Variants in DPYD observed in about 807,000 individuals in gnomAD.
DPYD encodes the protein dihydropyrimidine dehydrogenase, also known as dihydropyrimidine dehydrogenase [NADP(+)].
In DPYD, 109 loss-of-function variants were observed where a neutral mutation model predicts 116.2. The ratio of observed to expected loss-of-function variants is 0.94; its 90% CI spans 0.80 to 1.10. The LOEUF (loss-of-function observed/expected upper bound fraction) is 1.10. Among genes scored for constraint, DPYD ranks in the 50% least tolerant of loss-of-function variants. The pLI is 0.00. For missense variants in DPYD, 1,302 were observed against 1,254.5 expected (o/e 1.04, Z -0.57); for synonymous variants, 440 against 432.0 (o/e 1.02, Z -0.23).
intron 2 of DPYD, among the ~76,000 whole-genome samples, chr1:97,850,211 A>G (rs1670503656): frequency 6.6e-6 from 1 of 152,212 alleles, no homozygotes; most frequent in Non-Finnish European, 1.5e-5. Flanking sequence ...TTGAGTTTGA[A>G]TAGCTAACAC....
chr1:97,686,738 G>A (rs907412863), intron 7 of DPYD, among the ~76,000 whole-genome samples: 14 of 150,598 alleles, frequency 9.3e-5, no homozygotes, highest in Middle Eastern at 6.8e-3. Flanking sequence ...ACATAGGCAC[G>A]GGCAAAGATT....
At chr1:97,654,177 G>A (rs1327897089) in intron 8 of DPYD, among the ~76,000 whole-genome samples, 1 of 152,100 alleles carries the variant, frequency 6.6e-6, no homozygotes, top group African/African-American at 2.4e-5. Context: ...AATATACACT[G>A]TCCTGCTTCC....
chr1:97,714,655 C>CAAAAAAAAAAAAAAAAAAAAAAAA (rs1193831747), intron 5 of DPYD, among the ~76,000 whole-genome samples: 5 of 49,926 alleles, frequency 1.0e-4, no homozygotes, highest in African/African-American at 2.2e-4. Context: ...AAAGAAAAGA[C>CAAAAAAAAAAAAAAAAAAAAAAAA]AAAAAAAAAA....
chr1:97,745,815 C>A (rs1664517611), intron 3 of DPYD, among the ~76,000 whole-genome samples: 1 of 152,016 alleles, frequency 6.6e-6, no homozygotes, highest in South Asian at 2.1e-4. Flanking sequence ...ATCTTACACC[C>A]AGGACTATCC....
chr1:97,597,259 G>A (rs1195642988), intron 8 of DPYD, among the ~76,000 whole-genome samples: 1 of 152,074 alleles, frequency 6.6e-6, no homozygotes, highest in Non-Finnish European at 1.5e-5. Flanking sequence ...TCACACATAG[G>A]GCCTCAAGGT....
rs6674158 is a variant in DPYD at position 97,083,298 on chromosome 1, T to G, written c.2767-828A>C. On this transcript the variant is annotated intron_variant, in intron 21 of 22. Coordinates refer to ENST00000370192, the MANE Select transcript of DPYD (RefSeq NM_000110.4). ...TTGCTTTTGTTTTTAACTATTAACA[T>G]GAGAATCTTGTTTGAATTCAAGGTC... Among the ~76,000 whole-genome samples, 613 of 152,276 alleles carry G rather than the reference T, an allele frequency of 4.0e-3. 5 individuals are homozygous for G. Among genetic ancestry groups the G allele is most frequent in the African/African-American group, 0.014 (587 of 41,570 alleles).
At chr1:97,284,842 C>A (rs1423906583) in intron 18 of DPYD, among the ~76,000 whole-genome samples, 1 of 152,180 alleles carries the variant, frequency 6.6e-6, no homozygotes, top group African/African-American at 2.4e-5. Context: ...TCTGTCACAA[C>A]AGCAATGTGT....
intron 13 of DPYD, among the ~76,000 whole-genome samples, chr1:97,456,513 A>G (rs1197725684): frequency 6.6e-6 from 1 of 152,054 alleles, no homozygotes; most frequent in Non-Finnish European, 1.5e-5. Flanking sequence ...TTGTAGGGAA[A>G]GACACTCCTC....
intron 11 of DPYD, among the ~76,000 whole-genome samples, chr1:97,568,447 T>A (rs942437317): frequency 2.6e-5 from 4 of 151,952 alleles, no homozygotes; most frequent in Non-Finnish European, 4.4e-5. Flanking sequence ...ACTATAGTCA[T>A]CCCCCTTACA....
chr1:97,333,920 A>G (rs940466909), intron 16 of DPYD, among the ~76,000 whole-genome samples: 12 of 152,186 alleles, frequency 7.9e-5, no homozygotes, highest in Non-Finnish European at 5.9e-5. Context: ...AGCATACCAT[A>G]TGCTCTATAT....
intron 13 of DPYD, chr1:97,514,169 A>G: frequency 1.0e-6 from 1 of 982,120 alleles, no homozygotes; most frequent in Non-Finnish European, 1.2e-6. Context: ...GAAGGAAGTT[A>G]GCTTCCACAT....
chr1:97,129,778 T>G, intron 20 of DPYD, among the ~76,000 whole-genome samples: 1 of 152,216 alleles, frequency 6.6e-6, no homozygotes, highest in East Asian at 1.9e-4. Flanking sequence ...AGCATTTTTA[T>G]TCTGCTTTTT....
At chr1:97,787,377 T>C (rs947461575) in intron 3 of DPYD, among the ~76,000 whole-genome samples, 1 of 152,188 alleles carries the variant, frequency 6.6e-6, no homozygotes, top group Non-Finnish European at 1.5e-5. Context: ...AGATGCTATA[T>C]CACAACTGCT....
chr1:97,324,748 T>C (rs1471973787), intron 16 of DPYD, among the ~76,000 whole-genome samples: 1 of 152,054 alleles, frequency 6.6e-6, no homozygotes. Context: ...TAAGCCCTCA[T>C]ATAATTCAGG....
At chr1:97,329,085 G>T (rs1034447247) in intron 16 of DPYD, among the ~76,000 whole-genome samples, 1 of 152,136 alleles carries the variant, frequency 6.6e-6, no homozygotes, top group Non-Finnish European at 1.5e-5. Flanking sequence ...AATTTGGTAG[G>T]ATGAACTTAA....
chr1:97,425,328 G>A (rs192307666), intron 14 of DPYD, among the ~76,000 whole-genome samples: 6 of 151,844 alleles, frequency 4.0e-5, no homozygotes, highest in East Asian at 1.9e-4. Context: ...AGAATCTTTC[G>A]GTAGAAAACA....
chr1:97,450,673 C>T (rs561180843), intron 13 of DPYD, among the ~76,000 whole-genome samples: 8 of 151,330 alleles, frequency 5.3e-5, no homozygotes, highest in Non-Finnish European at 8.9e-5. Flanking sequence ...AAAGTAACTC[C>T]GATGTAAATC....
chr1:97,202,819 C>G (rs1659303709), intron 19 of DPYD, among the ~76,000 whole-genome samples: 1 of 152,120 alleles, frequency 6.6e-6, no homozygotes, highest in South Asian at 2.1e-4. Flanking sequence ...TAATAAGAAC[C>G]ATACAGAGAC....
Position 97,667,185 on chromosome 1 carries a change from T to A in DPYD, c.850+11910A>T, listed in dbSNP as rs1659614070. ...TAGACAAATTTTGTAGACAACTCAC[T>A]TTATTAGTTAGAAATTTAAATATAA... On this transcript the variant is annotated intron_variant, in intron 8 of 22. Coordinates refer to ENST00000370192, the MANE Select transcript of DPYD (RefSeq NM_000110.4). 2.0e-5 allele frequency among the ~76,000 whole-genome samples: 3 copies of A among 152,180 alleles called. No homozygotes were observed. In the South Asian group the frequency reaches 6.2e-4, roughly 31 times the overall value.
Sources: gnomAD v4.1 joint callset for allele counts (sites outside exome capture counted in the v4.1 genomes callset) on GRCh38, gnomAD v4.1.1 for gene constraint, MANE v1.5 for transcripts, NCBI Gene and HGNC (gene_info 2026-07-23, HGNC 2026-07-21) for gene names.